FCHO2: variants seen among roughly 807,000 people sequenced by gnomAD.
FCHO2 encodes the protein FCH and mu domain containing endocytic adaptor 2, also known as F-BAR domain only protein 2.
FCHO2 carries 43 observed loss-of-function variants against 114.1 expected under a neutral mutation model. That is an observed-to-expected ratio of 0.38 (90% CI 0.30 to 0.49). The LOEUF (loss-of-function observed/expected upper bound fraction) is 0.49, where lower values mean the gene tolerates loss of function less well. Ranked by LOEUF, FCHO2 falls within the 20% of genes least tolerant of loss-of-function variation. The pLI is 0.97. For missense variants in FCHO2, 807 were observed against 950.4 expected (o/e 0.85, Z 1.98); for synonymous variants, 293 against 315.2 (o/e 0.93, Z 0.75).
intron 5 of FCHO2, among the ~76,000 whole-genome samples, chr5:72,996,107 G>A (rs1754077666): frequency 6.6e-6 from 1 of 152,100 alleles, no homozygotes; most frequent in Non-Finnish European, 1.5e-5. Context: ...GCCGGGCGTG[G>A]TAGCGGGCGC....
chr5:72,957,199 GT>G (rs1295391767), intron 1 of FCHO2, among the ~76,000 whole-genome samples: 7 of 151,802 alleles, frequency 4.6e-5, no homozygotes, highest in Admixed American at 3.9e-4. Flanking sequence ...GACCTTAGGT[GT>G]TTTGTTTTTT....
chr5:72,964,422 A>T (rs1345216438), intron 1 of FCHO2, among the ~76,000 whole-genome samples: 1 of 152,076 alleles, frequency 6.6e-6, no homozygotes, highest in Non-Finnish European at 1.5e-5. Context: ...GTTTCGCTGT[A>T]TTGCTCAGGC....
chr5:73,006,234 G>A (rs1754707353), intron 5 of FCHO2, among the ~76,000 whole-genome samples: 2 of 152,050 alleles, frequency 1.3e-5, no homozygotes, highest in Admixed American at 1.3e-4. Flanking sequence ...AAACAGAAAA[G>A]AGAATCAGTG....
At chr5:73,036,987 A>G (rs1756544511) in intron 9 of FCHO2, among the ~76,000 whole-genome samples, 156 bp from the exon 10 acceptor site, 1 of 152,160 alleles carries the variant, frequency 6.6e-6, no homozygotes, top group African/African-American at 2.4e-5. Context: ...AGTCTAACCA[A>G]TAGGGTTGAG....
chr5:73,063,412 G>A (rs1757934245), intron 17 of FCHO2, among the ~76,000 whole-genome samples: 1 of 151,912 alleles, frequency 6.6e-6, no homozygotes, highest in Non-Finnish European at 1.5e-5. Flanking sequence ...TTTAATTAAG[G>A]TAAGTATTTT....
At chr5:73,082,614 C>T (rs1743156608) in intron 23 of FCHO2, 147 bp from the exon 24 acceptor site, 1 of 657,588 alleles carries the variant, frequency 1.5e-6, no homozygotes, top group African/African-American at 1.9e-5. Context: ...ATATCATAAA[C>T]ACATTTTCAC....
intron 8 of FCHO2, chr5:73,020,777 C>T: frequency 3.0e-6 from 3 of 984,518 alleles, no homozygotes; most frequent in Non-Finnish European, 4.9e-6. Flanking sequence ...AGAGATATGG[C>T]ACTGTCCCCA....
At chr5:72,994,223 T>G (rs184342801) in intron 5 of FCHO2, among the ~76,000 whole-genome samples, 141 of 152,310 alleles carry the variant, frequency 9.3e-4, no homozygotes, top group Admixed American at 1.5e-3. Context: ...GAGAAAATGT[T>G]TGCAAACTAT....
Position 73,058,421 on chromosome 5 carries a change from ATAT to A in FCHO2, c.1254-8_1254-6del. ...CTCGTTAAAATTTTTGCTTTTAAAA[ATAT>A]TATGGTAGAAAAGGAACCAGTGATT... On this transcript the variant is annotated splice_polypyrimidine_tract_variant and intron_variant, in intron 16 of 25. Coordinates refer to ENST00000430046, the MANE Select transcript of FCHO2 (RefSeq NM_138782.3). 11 of 1,520,418 alleles carry A rather than the reference ATAT, an allele frequency of 7.2e-6. No individual in the cohort carries two copies. In the Middle Eastern group the frequency reaches 7.1e-4, roughly 98 times the overall value. The allele number at this position is 1,520,418 out of a possible 1,614,324, so 94.2% of individuals were successfully genotyped here.
chr5:72,979,181 G>A (rs1464592980), intron 2 of FCHO2, among the ~76,000 whole-genome samples: 3 of 152,050 alleles, frequency 2.0e-5, no homozygotes, highest in Non-Finnish European at 4.4e-5. Flanking sequence ...GTTTCAGAAT[G>A]AATGGTACCA....
At chr5:73,044,996 T>A (rs748111323) in intron 11 of FCHO2, among the ~76,000 whole-genome samples, 20 of 152,206 alleles carry the variant, frequency 1.3e-4, no homozygotes, top group Non-Finnish European at 2.4e-4. Context: ...CTGTGCATAG[T>A]TCTAGCAGTA....
At position 72,979,455 on chromosome 5, in the gene FCHO2, G is replaced by A. The variant is rs1168872886; in HGVS notation, c.126-9972G>A. On this transcript the variant is annotated intron_variant, in intron 2 of 25. Transcript: ENST00000430046. ...CGCCCAGGCTGGAGTGCAGTGGCGC[G>A]ATCTCGGCTCACTGCAAGCTCCGCC... 7.6e-3 allele frequency among the ~76,000 whole-genome samples: 954 copies of A among 125,750 alleles called. 13 individuals carry two copies. The highest frequency in any genetic ancestry group is 0.027 in the African/African-American group (909 of 33,848). The allele number at this position is 125,750 out of a possible 152,430, so 82.5% of individuals were successfully genotyped here. A position where few individuals can be genotyped will look rare whatever the true frequency, so the allele number is the denominator to read the frequency against.
At position 72,990,525 on chromosome 5, in the gene FCHO2, T is replaced by C; in HGVS notation, c.248T>C (p.Leu83Ser). ...GTATTCAAAACATCTACAGAGAAATTAGCAAATTGTCACTTGGATCTTGTT... is the reference window on the plus strand; with the variant it reads ...GTATTCAAAACATCTACAGAGAAATCAGCAAATTGTCACTTGGATCTTGTT... ...WDVFKTSTEK[L>S]ANCHLDLVRK... Residue 83 changes from leucine to serine, a missense_variant, in exon 4 of 26, where the codon TTA becomes TCA. Leu to Ser is a moderately radical substitution (Grantham distance 145, BLOSUM62 -2). Transcript: ENST00000430046. 1 of 1,538,300 alleles carries C rather than the reference T, an allele frequency of 6.5e-7. No individual in the cohort carries two copies. The highest frequency in any genetic ancestry group is 8.7e-7 in the Non-Finnish European group (1 of 1,143,630).
chr5:72,990,153 T>C (rs1309634208), intron 3 of FCHO2, among the ~76,000 whole-genome samples: 1 of 151,876 alleles, frequency 6.6e-6, no homozygotes, highest in Non-Finnish European at 1.5e-5. Flanking sequence ...AGTTAATTTT[T>C]AACAATAGAC....
At chr5:73,084,275 T>G (rs1428047131) in intron 24 of FCHO2, among the ~76,000 whole-genome samples, 1 of 152,184 alleles carries the variant, frequency 6.6e-6, no homozygotes, top group African/African-American at 2.4e-5. Flanking sequence ...TGTTTTGTTT[T>G]GTTTTTTTGA....
intron 8 of FCHO2, among the ~76,000 whole-genome samples, chr5:73,032,407 A>G (rs1021181892): frequency 3.9e-5 from 6 of 152,082 alleles, no homozygotes; most frequent in Admixed American, 1.3e-4. Flanking sequence ...TTCTATTTCA[A>G]ATGGATTTTA....
intron 18 of FCHO2, 38 bp from the exon 19 acceptor site, chr5:73,068,612 T>G (rs758830974): frequency 1.3e-6 from 2 of 1,598,782 alleles, no homozygotes; most frequent in Non-Finnish European, 8.5e-7. Flanking sequence ...AGAGAGGTAT[T>G]GTTTTAGCAT....
chr5:73,090,069 G>A lies in FCHO2; in HGVS notation c.*1979G>A, dbSNP rs1032454427. On this transcript the variant is annotated 3_prime_UTR_variant, in exon 26 of 26. Transcript: ENST00000430046. ...TTGGAATTCAGACACTGTTCTTACC[G>A]TGTTTGTTTTTAATCAAATATTACC... 5.2e-5 allele frequency: 8 copies of A among 152,484 alleles called. No individual in the cohort carries two copies. Among genetic ancestry groups the A allele is most frequent in the Non-Finnish European group, 7.4e-5 (5 of 67,956 alleles). 9.4% of individuals were successfully genotyped at this position (152,484 alleles called of 1,614,324 possible). A position where few individuals can be genotyped will look rare whatever the true frequency, so the allele number is the denominator to read the frequency against.
intron 10 of FCHO2, among the ~76,000 whole-genome samples, chr5:73,039,451 G>C (rs1756694273): frequency 6.6e-6 from 1 of 152,180 alleles, no homozygotes; most frequent in Non-Finnish European, 1.5e-5. Context: ...GAAGAAAGTA[G>C]AAATGTTCTA....
Sources: allele counts gnomAD v4.1 joint callset (sites outside exome capture counted in the v4.1 genomes callset), GRCh38; gene constraint gnomAD v4.1.1; transcripts MANE v1.5; gene names NCBI Gene and HGNC (gene_info 2026-07-23, HGNC 2026-07-21).